Variants in TNFSF8 observed in about 807,000 individuals in gnomAD.
TNFSF8 encodes tumor necrosis factor ligand superfamily member 8.
TNFSF8 carries 4 observed loss-of-function variants against 22.0 expected under a neutral mutation model. That is an observed-to-expected ratio of 0.18 (90% CI 0.09 to 0.42). The LOEUF (loss-of-function observed/expected upper bound fraction) is 0.42, where lower values mean the gene tolerates loss of function less well. TNFSF8 is among the 10% of genes least tolerant of loss of function. The probability of loss-of-function intolerance (pLI) is 1.00; values close to 1 mark genes in which losing one functional copy is unlikely to be tolerated. For missense variants in TNFSF8, 233 were observed against 281.8 expected (o/e 0.83, Z 1.24); for synonymous variants, 106 against 112.5 (o/e 0.94, Z 0.37).
intron 1 of TNFSF8, among the ~76,000 whole-genome samples, chr9:114,925,547 T>A (rs1828046767): frequency 6.6e-6 from 1 of 152,118 alleles, no homozygotes; most frequent in African/African-American, 2.4e-5. Flanking sequence ...ATATCAGGTG[T>A]GTTTACCCTA....
intron 2 of TNFSF8, among the ~76,000 whole-genome samples, chr9:114,911,643 T>C (rs917217031): frequency 6.6e-6 from 1 of 152,162 alleles, no homozygotes; most frequent in Admixed American, 6.6e-5. Context: ...ACACACTTAG[T>C]GCTGACTGAG....
chr9:114,901,955 C>T lies in TNFSF8; in HGVS notation c.*1976G>A, dbSNP rs2131339869. The T allele has an allele frequency of 1.0e-6, 1 of 984,980 alleles. No homozygotes were observed. The highest frequency in any genetic ancestry group is 1.2e-6 in the Non-Finnish European group (1 of 829,562). 61.0% of individuals were successfully genotyped at this position (984,980 alleles called of 1,614,324 possible). On this transcript the variant is annotated 3_prime_UTR_variant, in exon 4 of 4. Coordinates refer to ENST00000223795, the MANE Select transcript of TNFSF8 (RefSeq NM_001244.4). ...TTTCTTTTAAATCTTTTCTAGCTTT[C>T]CTTCTGACAAACTTTGCTGGAGTCC...
chr9:114,910,846 G>A (rs1014872668), intron 2 of TNFSF8, among the ~76,000 whole-genome samples: 2 of 152,196 alleles, frequency 1.3e-5, no homozygotes, highest in African/African-American at 4.8e-5. Flanking sequence ...ATAAGAACAA[G>A]GAAGACACGA....
chr9:114,914,748 G>A (rs1177749048), intron 2 of TNFSF8, among the ~76,000 whole-genome samples: 2 of 152,076 alleles, frequency 1.3e-5, no homozygotes, highest in Non-Finnish European at 2.9e-5. Context: ...CCAGAAAGGA[G>A]AAGGGTGTGG....
intron 2 of TNFSF8, among the ~76,000 whole-genome samples, chr9:114,910,810 C>T (rs148254847): frequency 4.5e-4 from 69 of 152,312 alleles, no homozygotes; most frequent in African/African-American, 1.6e-3. Context: ...GTGCCAGGTA[C>T]CTTCCAGATG....
At chr9:114,898,016 T>C (rs111261589), downstream of TNFSF8, among the ~76,000 whole-genome samples, 8 of 152,120 alleles carry the variant, frequency 5.3e-5, no homozygotes, top group African/African-American at 1.4e-4. Flanking sequence ...ATTTTTTTTT[T>C]TTTTGAGGAA....
intron 3 of TNFSF8, among the ~76,000 whole-genome samples, chr9:114,905,205 A>T (rs1827769860): frequency 6.6e-6 from 1 of 152,210 alleles, no homozygotes; most frequent in African/African-American, 2.4e-5. Flanking sequence ...GAACTAATCT[A>T]ACTGCAAAAT....
intron 1 of TNFSF8, among the ~76,000 whole-genome samples, chr9:114,919,791 T>C (rs1038119957): frequency 3.3e-5 from 5 of 152,200 alleles, no homozygotes; most frequent in African/African-American, 1.2e-4. Flanking sequence ...AACATTTCCC[T>C]GGGAGGTCTG....
In TNFSF8 at chr9:114,903,099, A is replaced by G. The variant is rs1126711; in HGVS notation, c.*832T>C. 0.55 allele frequency: 84,122 copies of G among 152,096 alleles called. 24,930 individuals carry two copies. Among genetic ancestry groups the G allele is most frequent in the African/African-American group, 0.76 (31,384 of 41,504 alleles). 9.4% of individuals were successfully genotyped at this position (152,096 alleles called of 1,614,324 possible). A position where few individuals can be genotyped will look rare whatever the true frequency, so the allele number is the denominator to read the frequency against. On this transcript the variant is annotated 3_prime_UTR_variant, in exon 4 of 4. Coordinates refer to ENST00000223795, the MANE Select transcript of TNFSF8 (RefSeq NM_001244.4). ...GACCACACCCTATTTCTTTACCTAC[A>G]TTGTTAACTGTCTTGCTGTCTCTGT...
At chr9:114,898,786 G>C (rs989496038), downstream of TNFSF8, among the ~76,000 whole-genome samples, 1 of 152,172 alleles carries the variant, frequency 6.6e-6, no homozygotes, top group Non-Finnish European at 1.5e-5. Context: ...AGAATTGTCA[G>C]GAGGTCTGAG....
At chr9:114,919,060 G>A (rs932025822) in intron 1 of TNFSF8, among the ~76,000 whole-genome samples, 26 of 148,338 alleles carry the variant, frequency 1.8e-4, no homozygotes, top group Admixed American at 1.2e-3. Context: ...GTGAACGTAT[G>A]TTGTAAACAT....
At chr9:114,929,902 T>G (rs1828114443) in intron 1 of TNFSF8, among the ~76,000 whole-genome samples, 1 of 147,830 alleles carries the variant, frequency 6.8e-6, no homozygotes, top group Non-Finnish European at 1.5e-5. Flanking sequence ...TAATATATAC[T>G]GTATAATATA....
intron 2 of TNFSF8, among the ~76,000 whole-genome samples, chr9:114,917,479 T>C (rs1438731452): frequency 6.6e-6 from 1 of 152,212 alleles, no homozygotes; most frequent in African/African-American, 2.4e-5. Context: ...ATCATCGATG[T>C]TAACTGAACT....
chr9:114,909,562 A>G (rs1827827787), intron 2 of TNFSF8, among the ~76,000 whole-genome samples: 1 of 152,230 alleles, frequency 6.6e-6, no homozygotes, highest in Non-Finnish European at 1.5e-5. Flanking sequence ...CACCAACATA[A>G]TAGATGAAGA....
downstream of TNFSF8, among the ~76,000 whole-genome samples, chr9:114,897,126 C>G (rs1827663662): frequency 6.6e-6 from 1 of 152,170 alleles, no homozygotes; most frequent in African/African-American, 2.4e-5. Context: ...GTCTCGAACC[C>G]CTGACCTCAA....
At chr9:114,925,685 GTATTAT>G (rs368753556) in intron 1 of TNFSF8, among the ~76,000 whole-genome samples, 8 of 151,844 alleles carry the variant, frequency 5.3e-5, no homozygotes, top group African/African-American at 1.5e-4. Context: ...TTTAAAAAGA[GTATTAT>G]TATTATTATT....
intron 1 of TNFSF8, among the ~76,000 whole-genome samples, chr9:114,918,453 C>CT (rs11322814): frequency 8.4e-4 from 120 of 143,050 alleles, no homozygotes; most frequent in South Asian, 8.8e-4. Flanking sequence ...AGAGCTGGGA[C>CT]TTTTTTTTTT....
At chr9:114,911,742 C>G (rs900012005) in intron 2 of TNFSF8, among the ~76,000 whole-genome samples, 2 of 152,082 alleles carry the variant, frequency 1.3e-5, no homozygotes, top group East Asian at 3.9e-4. Flanking sequence ...GCCCCCTGCC[C>G]CACCTACTTT....
Position 114,930,229 on chromosome 9 carries a change from G to C in TNFSF8, c.75C>G (p.Gly25=), listed in dbSNP as rs746911830. ...PGDTAMHVPA[G]SVASHLGTTS... The stretch of plus-strand genomic sequence containing the variant: ...TGGTCCCCAGGTGGCTGGCCACGGA[G>C]CCCGCCGGCACATGCATGGCTGTGT... The change falls in exon 1 of 4, where the codon GGC becomes GGG. Residue 25 remains glycine, a synonymous_variant. Coordinates refer to ENST00000223795, the MANE Select transcript of TNFSF8 (RefSeq NM_001244.4). The C allele has an allele frequency of 6.2e-7, 1 of 1,608,000 alleles. No individual in the cohort carries two copies. The highest frequency in any genetic ancestry group is 8.5e-7 in the Non-Finnish European group (1 of 1,177,028).
Sources: allele counts gnomAD v4.1 joint callset (sites outside exome capture counted in the v4.1 genomes callset), GRCh38; gene constraint gnomAD v4.1.1; transcripts MANE v1.5; gene names NCBI Gene and HGNC (gene_info 2026-07-23, HGNC 2026-07-21).